The following RNF130 variants were observed in gnomAD, a reference collection of about 807,000 sequenced individuals.
The protein encoded by RNF130 is E3 ubiquitin-protein ligase RNF130.
Under a neutral mutation model 44.6 loss-of-function variants are expected in RNF130, and 21 were observed. That is an observed-to-expected ratio of 0.47 (90% confidence interval 0.33 to 0.68). The LOEUF is 0.68. Ranked by LOEUF, RNF130 falls within the 30% of genes least tolerant of loss-of-function variation. RNF130 has a pLI of 0.02. For synonymous variants in RNF130, 214 were observed against 210.4 expected (o/e 1.02, Z -0.15); for missense variants, 479 against 560.6 (o/e 0.85, Z 1.47).
intron 2 of RNF130, among the ~76,000 whole-genome samples, chr5:180,039,047 C>G (rs866940065): frequency 5.9e-5 from 9 of 152,290 alleles, no homozygotes; most frequent in Non-Finnish European, 7.4e-5. Flanking sequence ...ACATAGATGT[C>G]CAGCTAAATT....
At chr5:180,012,761 G>A (rs1202502239) in intron 3 of RNF130, among the ~76,000 whole-genome samples, 2 of 152,092 alleles carry the variant, frequency 1.3e-5, no homozygotes, top group African/African-American at 4.8e-5. Flanking sequence ...AAAGTTACTG[G>A]TTTAAAAATG....
chr5:180,052,654 A>C (rs1002034785), intron 1 of RNF130, among the ~76,000 whole-genome samples: 2 of 152,250 alleles, frequency 1.3e-5, no homozygotes, highest in African/African-American at 4.8e-5. Flanking sequence ...ACAGGCCAGG[A>C]GCCATGCAGC....
intron 7 of RNF130, among the ~76,000 whole-genome samples, chr5:179,965,365 G>T (rs1279680979): frequency 6.6e-6 from 1 of 152,226 alleles, no homozygotes; most frequent in Non-Finnish European, 1.5e-5. Context: ...GGTAGCTGTG[G>T]TTTAGTTCAA....
chr5:179,973,747 C>T (rs552654018), intron 5 of RNF130, among the ~76,000 whole-genome samples: 2 of 152,282 alleles, frequency 1.3e-5, no homozygotes, highest in South Asian at 2.1e-4. Context: ...AGAAGTTCCC[C>T]ACTCACGTGA....
chr5:179,937,933 T>A (rs857190), intron 7 of RNF130, among the ~76,000 whole-genome samples: 5,002 of 116,024 alleles, frequency 0.043, 276 homozygotes, highest in African/African-American at 0.12. Flanking sequence ...TGTGTGTGTG[T>A]GAGAGAGAGA....
At chr5:179,967,062 A>G in intron 6 of RNF130, 52 bp from the exon 7 acceptor site, 1 of 1,501,524 alleles carries the variant, frequency 6.7e-7, no homozygotes, top group Non-Finnish European at 9.2e-7. Context: ...ACAACCTTTC[A>G]TAAGATTCTA....
At chr5:180,023,364 C>T (rs1763916025) in intron 2 of RNF130, among the ~76,000 whole-genome samples, 1 of 152,116 alleles carries the variant, frequency 6.6e-6, no homozygotes, top group South Asian at 2.1e-4. Context: ...GTTTTTAATA[C>T]CACTCTCCAA....
chr5:179,953,447 A>C (rs2113690836), downstream of RNF130, among the ~76,000 whole-genome samples: 1 of 152,326 alleles, frequency 6.6e-6, no homozygotes, highest in African/African-American at 2.4e-5. Context: ...AACCAATGGA[A>C]GAATTCAGAG....
At chr5:180,040,790 A>C (rs1764390118) in intron 1 of RNF130, 143 bp from the exon 2 acceptor site, 1 of 667,014 alleles carries the variant, frequency 1.5e-6, no homozygotes. Context: ...ATACATCCAC[A>C]AACAATACAA....
At chr5:180,024,855 T>TA (rs1229222817) in intron 2 of RNF130, among the ~76,000 whole-genome samples, 1 of 152,154 alleles carries the variant, frequency 6.6e-6, no homozygotes, top group Non-Finnish European at 1.5e-5. Flanking sequence ...TCCTCAAACT[T>TA]AAGCATCTGA....
At chr5:180,006,928 G>C (rs536918598) in intron 3 of RNF130, among the ~76,000 whole-genome samples, 2 of 152,298 alleles carry the variant, frequency 1.3e-5, no homozygotes, top group African/African-American at 4.8e-5. Context: ...CATTCTGACA[G>C]TTTTCCAGGA....
At chr5:179,923,750 C>A (rs1761665723) in intron 7 of RNF130, among the ~76,000 whole-genome samples, 1 of 152,188 alleles carries the variant, frequency 6.6e-6, no homozygotes, top group Admixed American at 6.5e-5. Context: ...TATTTCGGTC[C>A]TGGGGGCTGC....
intron 3 of RNF130, among the ~76,000 whole-genome samples, chr5:180,007,982 C>G (rs973806555): frequency 2.5e-5 from 3 of 122,272 alleles, no homozygotes; most frequent in Non-Finnish European, 5.1e-5. Flanking sequence ...AAAAACAAAT[C>G]TTTTAGTTTT....
rs75997440 is a variant in RNF130, at chr5:179,945,564, C to G, written c.1150+21242G>C. Among the ~76,000 whole-genome samples, 1,218 of 152,192 alleles carry G rather than the reference C, an allele frequency of 8.0e-3. 9 individuals carry two copies. Among genetic ancestry groups the G allele is most frequent in the Non-Finnish European group, 0.013 (873 of 68,002 alleles). ...GACTTTTATTCCACTGGTGAGAAAA[C>G]AGAGGCTGGGAGAGGTCAAGCAGGA... is the stretch of plus-strand genomic sequence containing the variant. On this transcript the variant is annotated intron_variant, in intron 7 of 7. Transcript: ENST00000522208.
chr5:179,996,162 G>A (rs1032262721), intron 3 of RNF130, among the ~76,000 whole-genome samples: 8 of 152,070 alleles, frequency 5.3e-5, no homozygotes, highest in African/African-American at 1.9e-4. Flanking sequence ...CCTTGCAGAC[G>A]TTTCACCTCT....
intron 3 of RNF130, among the ~76,000 whole-genome samples, chr5:179,980,866 C>T (rs1762818647): frequency 6.6e-6 from 1 of 152,216 alleles, no homozygotes; most frequent in Admixed American, 6.5e-5. Flanking sequence ...TTGGCACCAA[C>T]AACCCACAGA....
At chr5:180,028,138 C>A (rs1016919516) in intron 2 of RNF130, among the ~76,000 whole-genome samples, 4 of 152,194 alleles carry the variant, frequency 2.6e-5, no homozygotes, top group African/African-American at 9.6e-5. Flanking sequence ...TACAAGGGGC[C>A]TTTGGCCTAG....
chr5:179,979,231 C>T (rs1182484643), intron 4 of RNF130, among the ~76,000 whole-genome samples: 2 of 151,724 alleles, frequency 1.3e-5, no homozygotes, highest in African/African-American at 4.8e-5. Flanking sequence ...CGTTTTGATG[C>T]TGCTTCTATT....
At chr5:180,031,940 T>A (rs10078845) in intron 2 of RNF130, among the ~76,000 whole-genome samples, 21,827 of 152,214 alleles carry the variant, frequency 0.14, 3,803 homozygotes, top group African/African-American at 0.42. Flanking sequence ...TTAATTATGA[T>A]CATTCTAGAG....
Sources: allele counts gnomAD v4.1 joint callset (sites outside exome capture counted in the v4.1 genomes callset), GRCh38; gene constraint gnomAD v4.1.1; transcripts MANE v1.5; gene names NCBI Gene and HGNC (gene_info 2026-07-23, HGNC 2026-07-21).